The following MLIP variants were observed in gnomAD, a reference collection of about 807,000 sequenced individuals.
The protein encoded by MLIP is muscular LMNA-interacting protein.
MLIP carries 79 observed loss-of-function variants against 84.8 expected under a neutral mutation model. The observed-to-expected ratio is 0.93, with a 90% CI of 0.78 to 1.12. The LOEUF is 1.12. Ranked by LOEUF, MLIP falls within the 50% of genes most tolerant of loss-of-function variation. MLIP has a pLI of 0.00. For synonymous variants in MLIP, 504 were observed against 463.0 expected (o/e 1.09, Z -1.14); for missense variants, 1,257 against 1,160.6 (o/e 1.08, Z -1.21).
intron 11 of MLIP, among the ~76,000 whole-genome samples, chr6:54,211,372 C>G (rs1405922281): frequency 6.6e-6 from 1 of 152,188 alleles, no homozygotes; most frequent in Non-Finnish European, 1.5e-5. Flanking sequence ...AAGCTTAGGT[C>G]TCCATGAATT....
upstream of MLIP, among the ~76,000 whole-genome samples, chr6:54,109,046 C>T (rs1582159949): frequency 6.7e-6 from 1 of 148,156 alleles, no homozygotes. Flanking sequence ...TTTATGTCTT[C>T]ATATATATAT....
chr6:54,054,189 C>A (rs1370531935), intron 1 of MLIP, among the ~76,000 whole-genome samples: 1 of 152,126 alleles, frequency 6.6e-6, no homozygotes, highest in Admixed American at 6.5e-5. Flanking sequence ...CTTATCAGCG[C>A]TCTCACAAGA....
chr6:54,217,410 G>A (rs1001909064), intron 11 of MLIP: 5 of 985,278 alleles, frequency 5.1e-6, no homozygotes, highest in Non-Finnish European at 6.0e-6. Context: ...TGGTTGAGTA[G>A]AAAGTAGGCT....
At position 54,136,931 on chromosome 6, in the gene MLIP, T is replaced by C. The variant is rs1771849954; in HGVS notation, c.862T>C (p.Ser288Pro). The change falls in exon 4 of 14, where the codon TCT becomes CCT. Residue 288 changes from serine to proline, a missense_variant. Ser to Pro is a moderately conservative substitution (Grantham distance 74). Transcript: ENST00000502396. ...AACTACCGCTCACTCTACACCCTTT[T>C]CTGCATCGAAGGGCACCTCCTCGAC... ...FQTTAHSTPFSASKGTSSTLL... is the reference protein window; with the variant it reads ...FQTTAHSTPFPASKGTSSTLL... 4.6e-6 allele frequency: 7 copies of C among 1,536,042 alleles called. No homozygotes were observed. The highest frequency in any genetic ancestry group is 6.1e-6 in the Non-Finnish European group (7 of 1,146,866).
At chr6:54,126,880 C>T (rs529745327) in intron 3 of MLIP, among the ~76,000 whole-genome samples, 1 of 152,250 alleles carries the variant, frequency 6.6e-6, no homozygotes, top group South Asian at 2.1e-4. Flanking sequence ...ATTGGTTAGT[C>T]ATTGATAAGC....
chr6:54,217,779 T>C (rs1222706505), intron 11 of MLIP: 3 of 984,848 alleles, frequency 3.0e-6, no homozygotes, highest in Middle Eastern at 5.2e-4. Context: ...GATAGAAACA[T>C]GTCCAAGACT....
chr6:54,152,378 T>C (rs1239326755), intron 5 of MLIP, among the ~76,000 whole-genome samples: 2 of 152,144 alleles, frequency 1.3e-5, no homozygotes, highest in African/African-American at 4.8e-5. Flanking sequence ...AAGATATAAC[T>C]GAGACCGGAA....
rs1321639529 is a variant in MLIP at position 54,068,959 on chromosome 6, A to G, written c.63+49868A>G. Among the ~76,000 whole-genome samples the G allele has an allele frequency of 3.0e-5, 3 of 100,828 alleles. 1 individual carries two copies. Among genetic ancestry groups the G allele is most frequent in the Admixed American group, 2.7e-4 (3 of 10,954 alleles). The allele number at this position is 100,828 out of a possible 152,430, so 66.1% of individuals were successfully genotyped here. ...TAATTCATTGTCAGGTGGTGTAGCTATGAAATGTCAACTCTGAGAAGTCAG... is the reference window on the plus strand; with the variant it reads ...TAATTCATTGTCAGGTGGTGTAGCTGTGAAATGTCAACTCTGAGAAGTCAG... On this transcript the variant is annotated intron_variant, in intron 1 of 12. Transcript: ENST00000274897.
At chr6:54,250,683 A>C (rs569029933) in intron 12 of MLIP, among the ~76,000 whole-genome samples, 2 of 152,170 alleles carry the variant, frequency 1.3e-5, no homozygotes, top group African/African-American at 4.8e-5. Flanking sequence ...AGTTTCTGAC[A>C]TCTCTCTCAC....
intron 12 of MLIP, among the ~76,000 whole-genome samples, chr6:54,244,272 T>C (rs1170903914): frequency 6.6e-6 from 1 of 152,154 alleles, no homozygotes; most frequent in Non-Finnish European, 1.5e-5. Context: ...TTAAAGATAA[T>C]GGAGATTAGA....
chr6:54,219,092 G>A (rs963736349), intron 11 of MLIP, among the ~76,000 whole-genome samples: 1 of 151,676 alleles, frequency 6.6e-6, no homozygotes, highest in Non-Finnish European at 1.5e-5. Flanking sequence ...TGTAGTCCCA[G>A]CTACTCGGGA....
chr6:54,177,310 A>T (rs1776386654), intron 9 of MLIP, among the ~76,000 whole-genome samples: 1 of 152,222 alleles, frequency 6.6e-6, no homozygotes, highest in African/African-American at 2.4e-5. Flanking sequence ...CAAAGGTCTA[A>T]TATCCAGAAT....
intron 1 of MLIP, chr6:54,029,392 T>C: frequency 6.6e-6 from 1 of 152,546 alleles, no homozygotes; most frequent in Non-Finnish European, 1.5e-5. Flanking sequence ...TCTTCTGCCA[T>C]GTGAGGACAC....
intron 1 of MLIP, among the ~76,000 whole-genome samples, chr6:54,022,847 A>G (rs1035427568): frequency 6.6e-6 from 1 of 152,118 alleles, no homozygotes; most frequent in South Asian, 2.1e-4. Context: ...ATCTTCTCAA[A>G]TAATGAATGT....
At chr6:54,085,821 C>T (rs1767449253) in intron 1 of MLIP, among the ~76,000 whole-genome samples, 3 of 151,808 alleles carry the variant, frequency 2.0e-5, no homozygotes, top group Admixed American at 2.0e-4. Flanking sequence ...GAGTTCTAGC[C>T]TCATCTCAAG....
At chr6:54,212,832 C>T (rs1172182867) in intron 11 of MLIP, among the ~76,000 whole-genome samples, 1 of 152,144 alleles carries the variant, frequency 6.6e-6, no homozygotes, top group Non-Finnish European at 1.5e-5. Context: ...CACACACATA[C>T]ATATTTAGTG....
At chr6:54,033,890 G>A (rs996075582) in intron 1 of MLIP, among the ~76,000 whole-genome samples, 1 of 152,004 alleles carries the variant, frequency 6.6e-6, no homozygotes, top group Admixed American at 6.6e-5. Flanking sequence ...TACTACTATA[G>A]ACTCTAAGTA....
chr6:54,125,312 G>T (rs1422874897), intron 3 of MLIP, among the ~76,000 whole-genome samples: 2 of 152,162 alleles, frequency 1.3e-5, no homozygotes, highest in South Asian at 2.1e-4. Flanking sequence ...ATTAGTAAAA[G>T]ACTAGTAAAA....
chr6:54,053,117 T>C (rs1278215163), intron 1 of MLIP, among the ~76,000 whole-genome samples: 2 of 152,198 alleles, frequency 1.3e-5, no homozygotes, highest in Non-Finnish European at 2.9e-5. Context: ...GCAGTGATAG[T>C]GTGCTGGGAA....
Sources: gnomAD v4.1 joint callset for allele counts (sites outside exome capture counted in the v4.1 genomes callset) on GRCh38, gnomAD v4.1.1 for gene constraint, MANE v1.5 for transcripts, NCBI Gene and HGNC (gene_info 2026-07-23, HGNC 2026-07-21) for gene names.